ASIC5: variants seen among roughly 807,000 people sequenced by gnomAD.
The protein encoded by ASIC5 is bile acid-sensitive ion channel.
In ASIC5, 52 loss-of-function variants were observed where a neutral mutation model predicts 51.2. The ratio of observed to expected loss-of-function variants is 1.02; its 90% CI spans 0.81 to 1.28. The LOEUF (loss-of-function observed/expected upper bound fraction) is 1.28. Among genes scored for constraint, ASIC5 ranks in the 50% most tolerant of loss-of-function variants. The probability of loss-of-function intolerance (pLI) is 0.00; values close to 1 mark genes in which losing one functional copy is unlikely to be tolerated. For synonymous variants in ASIC5, 231 were observed against 200.7 expected (o/e 1.15, Z -1.28); for missense variants, 635 against 595.0 (o/e 1.07, Z -0.70).
At chr4:155,861,673 A>G (rs1049641797) in intron 2 of ASIC5, among the ~76,000 whole-genome samples, 2 of 152,040 alleles carry the variant, frequency 1.3e-5, no homozygotes, top group African/African-American at 4.8e-5. Context: ...ATTTAATTTC[A>G]TTAGTAATAT....
chr4:155,842,506 T>TATTG, intron 5 of ASIC5, 152 bp from the exon 6 acceptor site: 1 of 626,970 alleles, frequency 1.6e-6, no homozygotes, highest in Non-Finnish European at 2.7e-6. Flanking sequence ...TTGCCTACTC[T>TATTG]ATTGACCTGA....
chr4:155,854,091 G>A lies in ASIC5; in HGVS notation c.571C>T (p.Pro191Ser). 1 of 1,610,946 alleles carries A rather than the reference G, an allele frequency of 6.2e-7. No individual in the cohort carries two copies. The highest frequency in any genetic ancestry group is 8.5e-7 in the Non-Finnish European group (1 of 1,177,870). Reference protein sequence around the residue: ...TLLDCEFFGKPCSPKDFAHVF... With the variant: ...TLLDCEFFGKSCSPKDFAHVF... The stretch of plus-strand genomic sequence containing the variant: ...AAAATCGTTACCTTTGGGCTACATG[G>A]CTTTCCAAAAAACTCACAGTCCAAC... Residue 191 changes from proline to serine, a missense_variant, in exon 3 of 10, where the codon CCA becomes TCA. Transcript: ENST00000537611.
Position 155,842,268 on chromosome 4 carries a change from CA to C in ASIC5, c.947del (p.Leu316Ter). ...TTATGTGCTGGGCTTTGCATTCCTT[CA>C]AGCAACCAGAAGTGCTGTAGCTGCT... ...NFSSYSTSGCLKECKAQHIKK... is the reference protein window; with the variant it reads ...NFSSYSTSGCXKECKAQHIKK... On this transcript the variant is annotated frameshift_variant, in exon 6 of 10. Coordinates refer to ENST00000537611, the MANE Select transcript of ASIC5 (RefSeq NM_017419.3). LOFTEE classifies it high-confidence loss of function. The C allele has an allele frequency of 6.2e-7, 1 of 1,613,684 alleles. No homozygotes were observed.
At chr4:155,839,566 T>C (rs1251451109) in intron 6 of ASIC5, among the ~76,000 whole-genome samples, 1 of 152,160 alleles carries the variant, frequency 6.6e-6, no homozygotes, top group Non-Finnish European at 1.5e-5. Flanking sequence ...TATTTGTCTA[T>C]TGCTATAGCC....
At chr4:155,843,621 T>G in intron 5 of ASIC5, 60 bp downstream of exon 5, 3 of 1,558,890 alleles carry the variant, frequency 1.9e-6, no homozygotes, top group Non-Finnish European at 2.6e-6. Context: ...GTGAAAAGCA[T>G]TACTTATGTG....
intron 2 of ASIC5, among the ~76,000 whole-genome samples, chr4:155,855,523 T>A (rs960141245): frequency 6.6e-6 from 1 of 152,114 alleles, no homozygotes; most frequent in South Asian, 2.1e-4. Flanking sequence ...TTAGATATTA[T>A]AAATTTTGAA....
chr4:155,846,937 A>T (rs1003705489), intron 4 of ASIC5, among the ~76,000 whole-genome samples: 6 of 152,116 alleles, frequency 3.9e-5, no homozygotes, highest in Admixed American at 1.3e-4. Context: ...TGTATAAAAC[A>T]AGGTAAGAAG....
intron 6 of ASIC5, among the ~76,000 whole-genome samples, 154 bp from the exon 7 acceptor site, chr4:155,839,023 T>C (rs1351447346): frequency 6.6e-6 from 1 of 152,150 alleles, no homozygotes; most frequent in Admixed American, 6.6e-5. Flanking sequence ...AGCAAAACTA[T>C]GGAATCAAGT....
In ASIC5 at chr4:155,842,187, G is replaced by A. The variant is rs1170324728; in HGVS notation, c.1009+20C>T. On this transcript the variant is annotated intron_variant, in intron 6 of 9. Coordinates refer to ENST00000537611, the MANE Select transcript of ASIC5 (RefSeq NM_017419.3). ...ACTTAACTGTCTAGTTAAGTAAGGG[G>A]GCAGTTAGTCTTTATTTACCAGGAA... 2 of 1,610,788 alleles carry A rather than the reference G, an allele frequency of 1.2e-6. No homozygotes were observed. The highest frequency in any genetic ancestry group is 1.3e-5 in the African/African-American group (1 of 74,794).
At chr4:155,849,322 T>C (rs1741325790) in intron 4 of ASIC5, among the ~76,000 whole-genome samples, 1 of 152,094 alleles carries the variant, frequency 6.6e-6, no homozygotes, top group African/African-American at 2.4e-5. Flanking sequence ...CATAGGTACT[T>C]GATGGCACAA....
intron 6 of ASIC5, among the ~76,000 whole-genome samples, chr4:155,839,765 C>A (rs1383892010): frequency 6.6e-6 from 1 of 150,738 alleles, no homozygotes; most frequent in Non-Finnish European, 1.5e-5. Context: ...GAAAAAACCT[C>A]ATTTTTCTGA....
chr4:155,850,783 C>T (rs980291815), intron 4 of ASIC5, among the ~76,000 whole-genome samples: 1 of 151,922 alleles, frequency 6.6e-6, no homozygotes, highest in Non-Finnish European at 1.5e-5. Flanking sequence ...AATTCATTTT[C>T]CCATAAGAGT....
chr4:155,852,331 T>C lies in ASIC5; in HGVS notation c.586-15A>G. 1 of 1,571,828 alleles carries C rather than the reference T, an allele frequency of 6.4e-7. No homozygotes were observed. The highest frequency in any genetic ancestry group is 8.6e-7 in the Non-Finnish European group (1 of 1,167,462). On this transcript the variant is annotated splice_polypyrimidine_tract_variant and intron_variant, in intron 3 of 9. Transcript: ENST00000537611. ...TGTGCAAAATCCTCCAATATGTAAA[T>C]GAACCAAAAAAAACCATCAATTTGA...
intron 3 of ASIC5, among the ~76,000 whole-genome samples, chr4:155,853,238 C>G (rs1208032361): frequency 6.6e-6 from 1 of 151,942 alleles, no homozygotes; most frequent in East Asian, 1.9e-4. Flanking sequence ...AGAGTTTAGG[C>G]CAGAACCTCA....
intron 8 of ASIC5, among the ~76,000 whole-genome samples, chr4:155,835,118 G>A (rs1239732358): frequency 6.6e-6 from 1 of 152,144 alleles, no homozygotes; most frequent in Non-Finnish European, 1.5e-5. Context: ...TGTCACACTG[G>A]CCCTCTGCCC....
At chr4:155,840,063 A>C (rs1741082176) in intron 6 of ASIC5, among the ~76,000 whole-genome samples, 1 of 152,214 alleles carries the variant, frequency 6.6e-6, no homozygotes, top group Admixed American at 6.5e-5. Context: ...CATATTCCTG[A>C]ATGCATTTGA....
chr4:155,861,929 A>G (rs1398144916), intron 2 of ASIC5, among the ~76,000 whole-genome samples: 1 of 152,068 alleles, frequency 6.6e-6, no homozygotes, highest in Non-Finnish European at 1.5e-5. Flanking sequence ...CCCAATTTTA[A>G]AATATGATCA....
chr4:155,846,906 T>C (rs1390573514), intron 4 of ASIC5, among the ~76,000 whole-genome samples: 1 of 151,990 alleles, frequency 6.6e-6, no homozygotes, highest in Non-Finnish European at 1.5e-5. Flanking sequence ...TTTGTCTAAT[T>C]CAAAGCTTAT....
intron 4 of ASIC5, among the ~76,000 whole-genome samples, chr4:155,850,223 G>T (rs1741350171): frequency 6.6e-6 from 1 of 151,758 alleles, no homozygotes; most frequent in South Asian, 2.1e-4. Flanking sequence ...TGAGATGAAT[G>T]CCTATTCTGA....
Sources: allele counts gnomAD v4.1 joint callset (sites outside exome capture counted in the v4.1 genomes callset), GRCh38; gene constraint gnomAD v4.1.1; transcripts MANE v1.5; gene names NCBI Gene and HGNC (gene_info 2026-07-23, HGNC 2026-07-21).